The following ATP10B variants were observed in gnomAD, a reference collection of about 807,000 sequenced individuals.
The protein encoded by ATP10B is ATPase phospholipid transporting 10B (putative).
Under a neutral mutation model 141.2 loss-of-function variants are expected in ATP10B, and 122 were observed. The observed-to-expected ratio is 0.86, with a 90% CI of 0.75 to 1.00. The LOEUF is 1.00. ATP10B is among the 50% of genes least tolerant of loss of function. The pLI, the probability that ATP10B is intolerant of heterozygous loss-of-function variation, is 0.00. For synonymous variants in ATP10B, 685 were observed against 692.0 expected, an observed-to-expected ratio of 0.99 and a Z score of 0.16; for missense variants, 1,876 against 1,825.3, an observed-to-expected ratio of 1.03 and a Z score of -0.51.
At position 160,565,623 on chromosome 5, in the gene ATP10B, C is replaced by G; in HGVS notation, c.4216G>C (p.Glu1406Gln). 1.2e-6 allele frequency: 2 copies of G among 1,614,112 alleles called. No individual in the cohort carries two copies. The highest frequency in any genetic ancestry group is 1.7e-6 in the Non-Finnish European group (2 of 1,179,988). ...SVLHEQRCGT[E>Q]CMRDDSCSGD... is the part of the protein sequence containing the mutation. ...GAGCATGAGTCATCCCTCATGCACT[C>G]CGTGCCACATCTCTGTTCGTGGAGT... Residue 1406 changes from glutamate (E) to glutamine (Q), a missense_variant, in exon 26 of 26, where the codon GAG becomes CAG. Coordinates refer to ENST00000327245, the MANE Select transcript of ATP10B (RefSeq NM_025153.3).
chr5:160,732,923 T>C (rs1766842153), intron 2 of ATP10B, among the ~76,000 whole-genome samples: 2 of 152,164 alleles, frequency 1.3e-5, no homozygotes, highest in African/African-American at 2.4e-5. Context: ...ACTCACTGCA[T>C]CCTTGAACTC....
At chr5:160,824,778 G>A (rs1196147746) in intron 1 of ATP10B, among the ~76,000 whole-genome samples, 2 of 152,098 alleles carry the variant, frequency 1.3e-5, no homozygotes, top group African/African-American at 4.8e-5. Flanking sequence ...ATCTTTCATT[G>A]ACTGAAACAT....
In ATP10B at chr5:160,563,563, C is replaced by G. The variant is rs1554089751; in HGVS notation, c.*1890G>C. 1.3e-5 allele frequency: 2 copies of G among 152,068 alleles called. No homozygotes were observed. The highest frequency in any genetic ancestry group is 2.9e-5 in the Non-Finnish European group (2 of 68,004). 9.4% of individuals were successfully genotyped at this position (152,068 alleles called of 1,614,324 possible). A position where few individuals can be genotyped will look rare whatever the true frequency, so the allele number is the denominator to read the frequency against. On this transcript the variant is annotated 3_prime_UTR_variant, in exon 26 of 26. Coordinates refer to ENST00000327245, the MANE Select transcript of ATP10B (RefSeq NM_025153.3). ...CTGAGGGTGTTACAGCTTTCAGAGG[C>G]TTTTTTACCACTGGGTTTCATGTAA... is the stretch of plus-strand genomic sequence containing the variant.
chr5:160,655,184 G>A (rs1761396103), intron 7 of ATP10B, among the ~76,000 whole-genome samples: 1 of 152,102 alleles, frequency 6.6e-6, no homozygotes, highest in South Asian at 2.1e-4. Context: ...CCTCTTCCAA[G>A]CACATTTGCA....
At chr5:160,903,106 A>G in the ATP10B span, among the ~76,000 whole-genome samples, 1 of 152,180 alleles carries the variant, frequency 6.6e-6, no homozygotes, top group Non-Finnish European at 1.5e-5. Flanking sequence ...GTGACAGACT[A>G]AAAAGGAAGG....
intron 9 of ATP10B, among the ~76,000 whole-genome samples, chr5:160,641,936 C>G (rs1233001732): frequency 1.3e-5 from 2 of 152,202 alleles, no homozygotes; most frequent in Non-Finnish European, 2.9e-5. Flanking sequence ...GGGGTTCCAG[C>G]AGTACTCCTG....
intron 14 of ATP10B, 82 bp from the exon 15 acceptor site, chr5:160,621,032 A>T (rs1183437541): frequency 6.7e-7 from 1 of 1,486,886 alleles, no homozygotes; most frequent in African/African-American, 1.4e-5. Flanking sequence ...ATATGAAGGT[A>T]CTTTTGCAAT....
chr5:160,770,737 T>G (rs1769837977), intron 2 of ATP10B, among the ~76,000 whole-genome samples: 1 of 152,184 alleles, frequency 6.6e-6, no homozygotes, highest in Non-Finnish European at 1.5e-5. Context: ...AAACCATGTT[T>G]TTATGGATGT....
chr5:160,632,066 C>A, intron 13 of ATP10B, 63 bp downstream of exon 13: 2 of 1,478,410 alleles, frequency 1.4e-6, no homozygotes, highest in Admixed American at 2.1e-5. Flanking sequence ...TTTCACATTC[C>A]AGAGCACCCT....
intron 1 of ATP10B, among the ~76,000 whole-genome samples, chr5:160,820,458 A>T (rs1436953602): frequency 1.3e-5 from 2 of 152,136 alleles, no homozygotes; most frequent in South Asian, 4.1e-4. Flanking sequence ...GTTCTACCAA[A>T]CATTTAAAGA....
chr5:160,785,759 A>C lies in ATP10B; in HGVS notation c.-531T>G, dbSNP rs1344297610. 1 of 1,097,768 alleles carries C rather than the reference A, an allele frequency of 9.1e-7. No individual in the cohort carries two copies. The highest frequency in any genetic ancestry group is 1.2e-6 in the Non-Finnish European group (1 of 840,810). 68.0% of individuals were successfully genotyped at this position (1,097,768 alleles called of 1,614,324 possible). On this transcript the variant is annotated 5_prime_UTR_variant, in exon 2 of 26. Transcript: ENST00000327245. Reference sequence around the variant, plus strand: ...ACTCTTCACACTGTTGCTTTCATTGAAACAAATGTCACCAGTCGGTTCTGA... The same window carrying C: ...ACTCTTCACACTGTTGCTTTCATTGCAACAAATGTCACCAGTCGGTTCTGA...
the ATP10B span, among the ~76,000 whole-genome samples, chr5:160,862,627 G>A: frequency 7.9e-5 from 12 of 151,874 alleles, no homozygotes; most frequent in African/African-American, 2.4e-4. Flanking sequence ...ATTATGTAGA[G>A]CCAATAAGGC....
chr5:160,640,937 G>A (rs1759814206), intron 9 of ATP10B, among the ~76,000 whole-genome samples: 1 of 152,176 alleles, frequency 6.6e-6, no homozygotes, highest in Admixed American at 6.6e-5. Context: ...GCAAATGATA[G>A]TAAGCTGTCT....
the ATP10B span, among the ~76,000 whole-genome samples, chr5:160,918,622 C>T: frequency 1.3e-5 from 2 of 152,214 alleles, no homozygotes; most frequent in Non-Finnish European, 2.9e-5. Flanking sequence ...CACATTTTCT[C>T]ATTTCCCTTT....
intron 14 of ATP10B, among the ~76,000 whole-genome samples, chr5:160,621,982 T>C (rs1220422342): frequency 2.0e-5 from 3 of 152,264 alleles, no homozygotes; most frequent in African/African-American, 7.2e-5. Context: ...TTCATTACCT[T>C]GAGTTTTCTG....
At chr5:160,729,178 G>A (rs1766569052) in intron 2 of ATP10B, among the ~76,000 whole-genome samples, 1 of 150,098 alleles carries the variant, frequency 6.7e-6, no homozygotes, top group African/African-American at 2.4e-5. Flanking sequence ...TGACAGCATG[G>A]AATGATTAAA....
intron 8 of ATP10B, among the ~76,000 whole-genome samples, chr5:160,645,116 TAAAA>T (rs55774256): frequency 7.4e-6 from 1 of 134,444 alleles, no homozygotes; most frequent in Non-Finnish European, 1.6e-5. Flanking sequence ...GACTCCATCT[TAAAA>T]AAAAAAAAAA....
At chr5:160,596,313 G>T (rs905249777) in intron 22 of ATP10B, among the ~76,000 whole-genome samples, 5 of 152,054 alleles carry the variant, frequency 3.3e-5, no homozygotes, top group African/African-American at 1.2e-4. Flanking sequence ...CCCAATAGAT[G>T]CAGAAAAGGC....
At chr5:160,838,233 G>T (rs1487748739) in intron 1 of ATP10B, among the ~76,000 whole-genome samples, 1 of 152,052 alleles carries the variant, frequency 6.6e-6, no homozygotes, top group East Asian at 1.9e-4. Flanking sequence ...TTTACTCATG[G>T]GTTCAGAATG....
Sources: allele counts gnomAD v4.1 joint callset (sites outside exome capture counted in the v4.1 genomes callset), GRCh38; gene constraint gnomAD v4.1.1; transcripts MANE v1.5; gene names NCBI Gene and HGNC (gene_info 2026-07-23, HGNC 2026-07-21).